The following PDE4B variants were observed in gnomAD, a reference collection of about 807,000 sequenced individuals.
The protein encoded by PDE4B is phosphodiesterase 4B, also known as 3',5'-cyclic-AMP phosphodiesterase 4B.
A neutral mutation model predicts 82.2 loss-of-function variants in PDE4B; 20 were observed. The ratio of observed to expected loss-of-function variants is 0.24; its 90% CI spans 0.17 to 0.35. The LOEUF (loss-of-function observed/expected upper bound fraction) is 0.35. Ranked by LOEUF, PDE4B falls within the 10% of genes least tolerant of loss-of-function variation. The pLI, the probability that PDE4B is intolerant of heterozygous loss-of-function variation, is 1.00. For synonymous variants in PDE4B, 320 were observed against 318.9 expected, an observed-to-expected ratio of 1.00 and a Z score of -0.04; for missense variants, 655 against 907.2, an observed-to-expected ratio of 0.72 and a Z score of 3.57.
chr1:66,052,928 A>G (rs1174080444), intron 3 of PDE4B, among the ~76,000 whole-genome samples: 1 of 152,182 alleles, frequency 6.6e-6, no homozygotes, highest in Non-Finnish European at 1.5e-5. Flanking sequence ...TCCCATGAGC[A>G]CAAAAAAAGT....
intron 3 of PDE4B, among the ~76,000 whole-genome samples, chr1:66,016,784 T>G (rs1198236178): frequency 1.3e-5 from 2 of 152,220 alleles, no homozygotes; most frequent in Non-Finnish European, 2.9e-5. Flanking sequence ...TTCTAAGAGT[T>G]GAGCACTTAT....
intron 3 of PDE4B, among the ~76,000 whole-genome samples, chr1:66,107,100 C>T (rs369404448): frequency 4.1e-5 from 6 of 147,810 alleles, no homozygotes; most frequent in Non-Finnish European, 6.0e-5. Flanking sequence ...CCTCTACACA[C>T]GGCTTTGAAT....
chr1:66,274,356 A>T (rs754871338), intron 7 of PDE4B, among the ~76,000 whole-genome samples: 79 of 151,428 alleles, frequency 5.2e-4, no homozygotes, highest in Non-Finnish European at 1.1e-3. Context: ...TATTTTTAGT[A>T]GAGAAGGAGT....
intron 8 of PDE4B, among the ~76,000 whole-genome samples, chr1:66,353,258 G>A (rs1661974423): frequency 6.6e-6 from 1 of 152,138 alleles, no homozygotes; most frequent in African/African-American, 2.4e-5. Context: ...TTGTATCATG[G>A]GAAACACACA....
intron 1 of PDE4B, among the ~76,000 whole-genome samples, chr1:65,883,545 G>A (rs1646734644): frequency 6.6e-6 from 1 of 152,170 alleles, no homozygotes; most frequent in Admixed American, 6.5e-5. Flanking sequence ...ATCAATTTAA[G>A]GAGATTTTGG....
chr1:66,199,051 A>C (rs1195367977), intron 3 of PDE4B, among the ~76,000 whole-genome samples: 2 of 151,734 alleles, frequency 1.3e-5, no homozygotes, highest in Non-Finnish European at 2.9e-5. Flanking sequence ...TGCTATTGTG[A>C]ATAATGCTGC....
intron 3 of PDE4B, among the ~76,000 whole-genome samples, chr1:66,186,975 A>G (rs1347457504): frequency 2.6e-5 from 4 of 152,214 alleles, no homozygotes; most frequent in Non-Finnish European, 4.4e-5. Flanking sequence ...TGGGTTTGTC[A>G]TAGATGGCTC....
intron 3 of PDE4B, among the ~76,000 whole-genome samples, chr1:66,205,472 C>T (rs1342957816): frequency 6.6e-6 from 1 of 152,086 alleles, no homozygotes. Flanking sequence ...TAGCTTTTTC[C>T]AATCCATCTT....
rs1221354294 is a variant in PDE4B, at chr1:65,793,176, G to A, written c.-143G>A. 6.6e-6 allele frequency: 1 copy of A among 152,324 alleles called. No homozygotes were observed. Among genetic ancestry groups the A allele is most frequent in the African/African-American group, 2.4e-5 (1 of 41,460 alleles). 9.4% of individuals were successfully genotyped at this position (152,324 alleles called of 1,614,324 possible). A position where few individuals can be genotyped will look rare whatever the true frequency, so the allele number is the denominator to read the frequency against. On this transcript the variant is annotated 5_prime_UTR_variant, in exon 1 of 17. Coordinates refer to ENST00000341517, the MANE Select transcript of PDE4B (RefSeq NM_002600.4). ...GCCGGGCGGAGCCCCGGCGTCCAGA[G>A]CGCTGCGGCCGCGGCGGTGCAGCAG...
chr1:66,354,812 G>A (rs1662107964), intron 8 of PDE4B: 1 of 1,535,022 alleles, frequency 6.5e-7, no homozygotes, highest in South Asian at 1.2e-5. Context: ...TCTTTCAAAG[G>A]GATTTGTGGA....
intron 16 of PDE4B, among the ~76,000 whole-genome samples, chr1:66,371,094 C>CTA (rs557320202): frequency 0.09 from 6,672 of 74,162 alleles, 387 homozygotes; most frequent in Non-Finnish European, 0.13. Context: ...ACACATCATA[C>CTA]TATATATATA....
Position 65,936,795 on chromosome 1 carries a change from C to A in PDE4B, c.281+17960C>A, listed in dbSNP as rs190418978. Among the ~76,000 whole-genome samples the A allele has an allele frequency of 1.2e-3, 183 of 152,274 alleles. 3 individuals carry two copies. Among genetic ancestry groups the A allele is most frequent in the East Asian group, 3.9e-4 (2 of 5,184 alleles). ...GAATAAGGGAAAGTGGGCCCTTGAA[C>A]TCTCCTTTCAGCCAAAGGCAGGCAT... On this transcript the variant is annotated intron_variant, in intron 3 of 16. Transcript: ENST00000341517.
chr1:66,290,688 T>G (rs1333236373), intron 7 of PDE4B, among the ~76,000 whole-genome samples: 1 of 152,174 alleles, frequency 6.6e-6, no homozygotes, highest in Non-Finnish European at 1.5e-5. Flanking sequence ...AGGGATAATT[T>G]CCAATGCCAG....
chr1:66,329,171 T>C (rs1659937153), intron 7 of PDE4B, among the ~76,000 whole-genome samples: 1 of 152,156 alleles, frequency 6.6e-6, no homozygotes, highest in Non-Finnish European at 1.5e-5. Context: ...GGGTCTGCAC[T>C]CACCTCAAGG....
intron 7 of PDE4B, among the ~76,000 whole-genome samples, chr1:66,273,768 A>T (rs1424180817): frequency 1.3e-5 from 2 of 152,246 alleles, no homozygotes; most frequent in Non-Finnish European, 2.9e-5. Flanking sequence ...AATAGGGATG[A>T]AATAATGCCC....
At chr1:65,885,156 A>G (rs534319521) in intron 1 of PDE4B, among the ~76,000 whole-genome samples, 2 of 152,360 alleles carry the variant, frequency 1.3e-5, no homozygotes, top group Admixed American at 6.5e-5. Flanking sequence ...CAAAACCACA[A>G]TGAAATACCA....
At chr1:66,294,170 C>T (rs932078608) in intron 7 of PDE4B, among the ~76,000 whole-genome samples, 3 of 152,022 alleles carry the variant, frequency 2.0e-5, no homozygotes, top group African/African-American at 7.2e-5. Context: ...TGCACCATTG[C>T]ACTCCACCCT....
chr1:66,309,061 A>G (rs980585735), intron 7 of PDE4B, among the ~76,000 whole-genome samples: 3 of 152,124 alleles, frequency 2.0e-5, no homozygotes, highest in Non-Finnish European at 4.4e-5. Flanking sequence ...CAAACAAAAA[A>G]TCCTGTGTCT....
intron 3 of PDE4B, among the ~76,000 whole-genome samples, chr1:65,953,535 CA>C (rs1649106828): frequency 1.3e-5 from 2 of 152,142 alleles, no homozygotes; most frequent in African/African-American, 4.8e-5. Flanking sequence ...AGGTAGTGGG[CA>C]GTCTCTAGAA....
Sources: gnomAD v4.1 joint callset for allele counts (sites outside exome capture counted in the v4.1 genomes callset) on GRCh38, gnomAD v4.1.1 for gene constraint, MANE v1.5 for transcripts, NCBI Gene and HGNC (gene_info 2026-07-23, HGNC 2026-07-21) for gene names.